Variants in ARHGEF9 observed in about 807,000 individuals in gnomAD.
The protein encoded by ARHGEF9 is Cdc42 guanine nucleotide exchange factor 9.
Under a neutral mutation model 41.3 loss-of-function variants are expected in ARHGEF9, and 2 were observed. That is an observed-to-expected ratio of 0.05 (90% CI 0.02 to 0.15). The LOEUF is 0.15. Ranked by LOEUF, ARHGEF9 falls within the 10% of genes least tolerant of loss-of-function variation. The pLI is 1.00. For missense variants in ARHGEF9, 225 were observed against 424.7 expected (o/e 0.53, Z 4.13); for synonymous variants, 160 against 154.4 (o/e 1.04, Z -0.27).
In ARHGEF9 at chrX:63,637,546, A is replaced by C; in HGVS notation, c.*482T>G. On this transcript the variant is annotated 3_prime_UTR_variant, in exon 10 of 10. Transcript: ENST00000671741. ...AACCCTGAAACCTCCCAACTCTACC[A>C]CATCAAATAAAATTAAAAATTCATC... is the stretch of plus-strand genomic sequence containing the variant. 1 of 256,744 alleles carries C rather than the reference A, an allele frequency of 3.9e-6. No individual in the cohort carries two copies. The highest frequency in any genetic ancestry group is 5.9e-5 in the East Asian group (1 of 17,090). The allele number at this position is 256,744 out of a possible 1,213,427, so 21.2% of individuals were successfully genotyped here.
intron 2 of ARHGEF9, among the ~76,000 whole-genome samples, chrX:63,707,137 G>T (rs782178815): frequency 9.0e-6 from 1 of 111,203 alleles, no homozygotes; most frequent in Non-Finnish European, 1.9e-5. Context: ...ATCCCAAGTC[G>T]CACAGGAAGC....
chrX:63,775,424 C>T (rs2056276627), intron 1 of ARHGEF9, among the ~76,000 whole-genome samples: 1 of 112,416 alleles, frequency 8.9e-6, no homozygotes, highest in Non-Finnish European at 1.9e-5. Flanking sequence ...ATAAAATCAA[C>T]CTAGATGCCC....
intron 4 of ARHGEF9, 70 bp downstream of exon 4, chrX:63,697,055 C>A: frequency 9.0e-7 from 1 of 1,111,788 alleles, no homozygotes. Context: ...CAGAACCAGA[C>A]AGCTCAAACG....
At chrX:63,777,113 T>C (rs1556459080) in intron 1 of ARHGEF9, among the ~76,000 whole-genome samples, 1 of 111,823 alleles carries the variant, frequency 8.9e-6, no homozygotes, top group Admixed American at 9.5e-5. Flanking sequence ...CTGGGCAATT[T>C]ATAAAGGAAA....
At chrX:63,775,099 G>C (rs1208607904) in intron 1 of ARHGEF9, among the ~76,000 whole-genome samples, 3 of 112,346 alleles carry the variant, frequency 2.7e-5, no homozygotes, top group East Asian at 2.8e-4. Flanking sequence ...AATCACTAGA[G>C]AAATGCAAAT....
rs1556299282 is a variant in ARHGEF9 at position 63,637,458 on chromosome X, T to C, written c.*570A>G. 1 of 290,173 alleles carries C rather than the reference T, an allele frequency of 3.4e-6. No individual in the cohort carries two copies. Among genetic ancestry groups the C allele is most frequent in the Non-Finnish European group, 6.0e-6 (1 of 166,303 alleles). 23.9% of individuals were successfully genotyped at this position (290,173 alleles called of 1,213,427 possible). A position where few individuals can be genotyped will look rare whatever the true frequency, so the allele number is the denominator to read the frequency against. The stretch of plus-strand genomic sequence containing the variant: ...GGCTGAAGGAACATTTGATAATGAT[T>C]GGCTGAAGGAGAGGAGAAAGGAGCT... On this transcript the variant is annotated 3_prime_UTR_variant, in exon 10 of 10. Transcript: ENST00000671741.
chrX:63,708,797 TA>T (rs1294749653), intron 2 of ARHGEF9, among the ~76,000 whole-genome samples: 1 of 112,106 alleles, frequency 8.9e-6, no homozygotes, highest in Non-Finnish European at 1.9e-5. Context: ...CAACAGCAAA[TA>T]AAAAAGACAG....
chrX:63,771,351 A>G (rs1225526250), intron 1 of ARHGEF9, among the ~76,000 whole-genome samples: 17 of 112,228 alleles, frequency 1.5e-4, no homozygotes, highest in African/African-American at 5.2e-4. Flanking sequence ...AATAGTACCA[A>G]TGACTGGATA....
intron 2 of ARHGEF9, among the ~76,000 whole-genome samples, chrX:63,708,016 T>TGG (rs1556403980): frequency 5.2e-4 from 58 of 112,150 alleles, no homozygotes; most frequent in Non-Finnish European, 9.8e-4. Flanking sequence ...TGCTCCATTA[T>TGG]AAATATCTTT....
intron 3 of ARHGEF9, among the ~76,000 whole-genome samples, chrX:63,703,635 C>T (rs146924482): frequency 0.01 from 1,130 of 111,694 alleles, 6 homozygotes; most frequent in Non-Finnish European, 0.017. Flanking sequence ...ATCAGTAAAT[C>T]AATAGATGAA....
chrX:63,752,146 CT>C (rs1209807923), intron 1 of ARHGEF9, among the ~76,000 whole-genome samples: 2 of 111,048 alleles, frequency 1.8e-5, no homozygotes, highest in Non-Finnish European at 3.8e-5. Flanking sequence ...TCCCATCACC[CT>C]TTGATTAACA....
intron 5 of ARHGEF9, among the ~76,000 whole-genome samples, chrX:63,677,370 C>T (rs1327044259): frequency 8.9e-6 from 1 of 112,009 alleles, no homozygotes; most frequent in African/African-American, 3.2e-5. Context: ...TTCATCTAAT[C>T]TTCTCCCTCA....
intron 1 of ARHGEF9, among the ~76,000 whole-genome samples, chrX:63,750,924 T>C (rs2055592971): frequency 9.0e-6 from 1 of 111,372 alleles, no homozygotes; most frequent in Non-Finnish European, 1.9e-5. Context: ...CAAAAGCATC[T>C]CTCCAAGTCC....
intron 6 of ARHGEF9, among the ~76,000 whole-genome samples, chrX:63,671,075 T>C (rs1468328493): frequency 1.8e-5 from 2 of 112,584 alleles, no homozygotes; most frequent in African/African-American, 6.5e-5. Flanking sequence ...CTCTTTTTCA[T>C]TTGACAAATG....
At chrX:63,664,412 G>T (rs1344097287) in intron 7 of ARHGEF9, among the ~76,000 whole-genome samples, 1 of 112,234 alleles carries the variant, frequency 8.9e-6, no homozygotes, top group Non-Finnish European at 1.9e-5. Context: ...GGGCCTAGGG[G>T]GTGCAGAACT....
chrX:63,777,372 T>C (rs1174219871), intron 1 of ARHGEF9, among the ~76,000 whole-genome samples: 1 of 110,849 alleles, frequency 9.0e-6, no homozygotes, highest in South Asian at 3.9e-4. Context: ...CCATGACACA[T>C]GGGGATTATG....
intron 8 of ARHGEF9, among the ~76,000 whole-genome samples, chrX:63,645,520 T>A (rs1179760861): frequency 2.7e-5 from 3 of 111,505 alleles, no homozygotes; most frequent in African/African-American, 9.8e-5. Context: ...AGAATGATGG[T>A]TTCCAGCTTC....
At chrX:63,698,099 A>G (rs1439498559) in intron 3 of ARHGEF9, among the ~76,000 whole-genome samples, 2 of 106,123 alleles carry the variant, frequency 1.9e-5, no homozygotes, top group Admixed American at 2.1e-4. Context: ...TTTAGGACAC[A>G]TTTATAAATT....
intron 1 of ARHGEF9, among the ~76,000 whole-genome samples, chrX:63,768,141 C>T (rs1366225406): frequency 1.3e-4 from 14 of 111,506 alleles, no homozygotes; most frequent in African/African-American, 4.6e-4. Context: ...CCAACCCTTC[C>T]CCTTCTGAGT....
Sources: gnomAD v4.1 joint callset for allele counts (sites outside exome capture counted in the v4.1 genomes callset) on GRCh38, gnomAD v4.1.1 for gene constraint, MANE v1.5 for transcripts, NCBI Gene and HGNC (gene_info 2026-07-23, HGNC 2026-07-21) for gene names.